The following TEX14 variants were observed in gnomAD, a reference collection of about 807,000 sequenced individuals.
TEX14 encodes inactive serine/threonine-protein kinase TEX14.
Under a neutral mutation model 178.6 loss-of-function variants are expected in TEX14, and 168 were observed. The ratio of observed to expected loss-of-function variants is 0.94; its 90% CI spans 0.83 to 1.07. The LOEUF (loss-of-function observed/expected upper bound fraction) is 1.07. Among genes scored for constraint, TEX14 ranks in the 50% least tolerant of loss-of-function variants. The pLI is 0.00. For missense variants in TEX14, 1,730 were observed against 1,753.6 expected (o/e 0.99, Z 0.24); for synonymous variants, 626 against 634.1 (o/e 0.99, Z 0.19).
At chr17:58,568,433 G>A (rs2044448726) in intron 26 of TEX14, among the ~76,000 whole-genome samples, 1 of 152,182 alleles carries the variant, frequency 6.6e-6, no homozygotes, top group African/African-American at 2.4e-5. Context: ...CAGAGACCCT[G>A]AAAACCAAGG....
chr17:58,568,792 G>A (rs1408121620), intron 26 of TEX14, among the ~76,000 whole-genome samples: 1 of 152,134 alleles, frequency 6.6e-6, no homozygotes, highest in East Asian at 1.9e-4. Context: ...TACAGCTAAT[G>A]GCAAAACTGA....
At position 58,616,372 on chromosome 17, in the gene TEX14, T is replaced by C. The variant is rs529626053; in HGVS notation, c.637-67A>G. The C allele has an allele frequency of 3.6e-5, 57 of 1,562,784 alleles. No individual in the cohort carries two copies. In the Middle Eastern group the frequency reaches 6.9e-4, roughly 19 times the overall value. Reference sequence around the variant, plus strand: ...GAAAAGCAGAATACATCCAGAATCTTATCAGCCAGCTAAAAGAATGAGAGC... The same window carrying C: ...GAAAAGCAGAATACATCCAGAATCTCATCAGCCAGCTAAAAGAATGAGAGC... On this transcript the variant is annotated intron_variant, in intron 6 of 31. Coordinates refer to ENST00000349033, the MANE Select transcript of TEX14 (RefSeq NM_031272.5).
chr17:58,566,614 C>T (rs1419121987), intron 26 of TEX14, among the ~76,000 whole-genome samples: 2 of 151,670 alleles, frequency 1.3e-5, no homozygotes, highest in Non-Finnish European at 2.9e-5. Context: ...GCCTGGCCAA[C>T]ATAGTGAAAC....
chr17:58,612,649 C>T (rs1039976945), intron 9 of TEX14, among the ~76,000 whole-genome samples: 2 of 148,402 alleles, frequency 1.3e-5, no homozygotes, highest in Non-Finnish European at 1.5e-5. Flanking sequence ...GCATGAGAAT[C>T]GTTTGAACCA....
intron 2 of TEX14, chr17:58,631,748 T>A (rs112214440): frequency 1.3e-4 from 19 of 150,606 alleles, no homozygotes; most frequent in East Asian, 1.9e-4. Context: ...AACACAAATA[T>A]CTCCCTCTCG....
intron 2 of TEX14, among the ~76,000 whole-genome samples, chr17:58,646,097 T>C (rs1193279182): frequency 6.6e-6 from 1 of 152,194 alleles, no homozygotes; most frequent in Admixed American, 6.6e-5. Context: ...AATCCACAAA[T>C]GTGGAACCCA....
chr17:58,667,634 C>T (rs749627967), intron 1 of TEX14, among the ~76,000 whole-genome samples: 1 of 152,144 alleles, frequency 6.6e-6, no homozygotes, highest in South Asian at 2.1e-4. Flanking sequence ...CCTGTAATCC[C>T]AACACTTTGG....
chr17:58,577,515 C>T, intron 20 of TEX14, 59 bp from the exon 21 acceptor site: 1 of 578,012 alleles, frequency 1.7e-6, no homozygotes, highest in Non-Finnish European at 2.6e-6. Flanking sequence ...TCTTTGTCAA[C>T]CCAAATTATT....
intron 28 of TEX14, among the ~76,000 whole-genome samples, chr17:58,562,366 G>C (rs1431858392): frequency 6.6e-6 from 1 of 152,190 alleles, no homozygotes; most frequent in Non-Finnish European, 1.5e-5. Flanking sequence ...CTCTGGCTTG[G>C]TGCCTAGATT....
At chr17:58,581,298 G>A (rs1010996912) in intron 19 of TEX14, among the ~76,000 whole-genome samples, 7 of 150,318 alleles carry the variant, frequency 4.7e-5, no homozygotes, top group South Asian at 2.1e-4. Context: ...GTGACAGAGC[G>A]AGACTCTATC....
intron 30 of TEX14, among the ~76,000 whole-genome samples, chr17:58,558,497 T>G (rs2044199663): frequency 6.6e-6 from 1 of 152,106 alleles, no homozygotes; most frequent in Admixed American, 6.6e-5. Context: ...AATCTTCTGC[T>G]GGGGCCTGTC....
chr17:58,571,643 T>A (rs1045875427), intron 24 of TEX14, among the ~76,000 whole-genome samples: 2 of 151,964 alleles, frequency 1.3e-5, no homozygotes, highest in East Asian at 1.9e-4. Context: ...AGGCAGTATA[T>A]GATTAAGTGT....
chr17:58,606,291 T>A (rs182873192), intron 10 of TEX14, among the ~76,000 whole-genome samples: 1 of 152,184 alleles, frequency 6.6e-6, no homozygotes, highest in African/African-American at 2.4e-5. Context: ...CGGTGAGCCA[T>A]AAAGCGCTCT....
intron 19 of TEX14, among the ~76,000 whole-genome samples, chr17:58,581,183 C>T (rs942540369): frequency 2.6e-5 from 4 of 151,916 alleles, no homozygotes; most frequent in African/African-American, 7.3e-5. Context: ...TGATGGCACA[C>T]GCCTGTAATT....
At chr17:58,560,150 C>G (rs2044244974) in intron 29 of TEX14, among the ~76,000 whole-genome samples, 1 of 152,150 alleles carries the variant, frequency 6.6e-6, no homozygotes, top group African/African-American at 2.4e-5. Context: ...TTTGTGGTAC[C>G]TCTAGCCCCT....
intron 10 of TEX14, among the ~76,000 whole-genome samples, chr17:58,606,471 G>A (rs2045609333): frequency 6.6e-6 from 1 of 152,162 alleles, no homozygotes; most frequent in Admixed American, 6.5e-5. Flanking sequence ...CAGACTTTGA[G>A]CAAACTTCCC....
intron 2 of TEX14, among the ~76,000 whole-genome samples, chr17:58,649,979 A>C (rs1343909631): frequency 6.6e-6 from 1 of 151,902 alleles, no homozygotes; most frequent in African/African-American, 2.4e-5. Flanking sequence ...ACCTCAGGTG[A>C]TCCACCCTCC....
intron 1 of TEX14, among the ~76,000 whole-genome samples, chr17:58,655,368 A>G (rs554694496): frequency 5.4e-4 from 81 of 151,298 alleles, no homozygotes; most frequent in African/African-American, 1.9e-3. Flanking sequence ...ATTTTTAGTA[A>G]AGATGGGTTC....
chr17:58,611,732 G>C (rs1012185264), intron 9 of TEX14, among the ~76,000 whole-genome samples: 2 of 152,202 alleles, frequency 1.3e-5, no homozygotes, highest in African/African-American at 4.8e-5. Context: ...AAGCTCAAAG[G>C]ACCCTGCAGA....
Sources: gnomAD v4.1 joint callset for allele counts (sites outside exome capture counted in the v4.1 genomes callset) on GRCh38, gnomAD v4.1.1 for gene constraint, MANE v1.5 for transcripts, NCBI Gene and HGNC (gene_info 2026-07-23, HGNC 2026-07-21) for gene names.